The following TAFA1 variants were observed in gnomAD, a reference collection of about 807,000 sequenced individuals.
TAFA1 encodes chemokine-like protein TAFA-1.
Under a neutral mutation model 18.5 loss-of-function variants are expected in TAFA1, and 4 were observed. The ratio of observed to expected loss-of-function variants is 0.22; its 90% CI spans 0.11 to 0.49. The LOEUF (loss-of-function observed/expected upper bound fraction) is 0.49. Ranked by LOEUF, TAFA1 falls within the 20% of genes least tolerant of loss-of-function variation. The pLI is 0.98. For synonymous variants in TAFA1, 56 were observed against 55.2 expected (o/e 1.01, Z -0.06); for missense variants, 147 against 169.0 (o/e 0.87, Z 0.72).
rs114130736 is a variant in TAFA1, at chr3:68,108,734, T to C, written c.118+101990T>C. ...ATAAAAATATACCTAAATGAAATGT[T>C]CAAAACAAAATAGAATATGATTTTT... On this transcript the variant is annotated intron_variant, in intron 2 of 4. Transcript: ENST00000478136. 6.6e-3 allele frequency among the ~76,000 whole-genome samples: 1,003 copies of C among 152,244 alleles called. 8 individuals carry two copies. The highest frequency in any genetic ancestry group is 0.023 in the African/African-American group (953 of 41,548).
chr3:68,112,427 TA>T (rs1423230826), intron 2 of TAFA1, among the ~76,000 whole-genome samples: 2 of 152,318 alleles, frequency 1.3e-5, no homozygotes, highest in Admixed American at 6.5e-5. Context: ...AAGTGTTTGA[TA>T]AAATTATTTC....
chr3:68,121,496 G>A (rs2065398065), intron 2 of TAFA1, among the ~76,000 whole-genome samples: 1 of 152,106 alleles, frequency 6.6e-6, no homozygotes, highest in Non-Finnish European at 1.5e-5. Flanking sequence ...TCACTAACAA[G>A]GTTTTTGAAG....
At chr3:68,025,431 T>G (rs929294794) in intron 2 of TAFA1, among the ~76,000 whole-genome samples, 1 of 152,144 alleles carries the variant, frequency 6.6e-6, no homozygotes, top group South Asian at 2.1e-4. Flanking sequence ...AATCTATATT[T>G]TTCACACAGC....
intron 2 of TAFA1, among the ~76,000 whole-genome samples, chr3:68,363,217 G>T (rs950033906): frequency 1.3e-5 from 2 of 151,968 alleles, no homozygotes; most frequent in Non-Finnish European, 2.9e-5. Flanking sequence ...TTGTTAATTT[G>T]GGAAGAGTGA....
In TAFA1 at chr3:68,022,362, G is replaced by A. The variant is rs73104872; in HGVS notation, c.118+15618G>A. On this transcript the variant is annotated intron_variant, in intron 2 of 4. Coordinates refer to ENST00000478136, the MANE Select transcript of TAFA1 (RefSeq NM_213609.4). ...GATGGTATTTCTAAACTTATATCCAGTGTTAGGTAAATGAAGTGGGGTTCC... is the reference window on the plus strand; with the variant it reads ...GATGGTATTTCTAAACTTATATCCAATGTTAGGTAAATGAAGTGGGGTTCC... 9.8e-3 allele frequency among the ~76,000 whole-genome samples: 1,495 copies of A among 152,288 alleles called. 14 individuals carry two copies. Among genetic ancestry groups the A allele is most frequent in the Non-Finnish European group, 0.017 (1,181 of 68,026 alleles).
At position 68,082,373 on chromosome 3, in the gene TAFA1, T is replaced by A. The variant is rs1241188360; in HGVS notation, c.118+75629T>A. On this transcript the variant is annotated intron_variant, in intron 2 of 4. Transcript: ENST00000478136. ...ACTTCCTAATTAATTTATTCCTCAT[T>A]TTTTTCCTGAAGCAATTTATAGAAA... Among the ~76,000 whole-genome samples the A allele has an allele frequency of 2.0e-5, 3 of 152,276 alleles. No individual in the cohort carries two copies. The East Asian group carries it at 5.8e-4, about 29-fold the overall frequency.
Position 68,544,587 on chromosome 3 carries a change from C to A in TAFA1, c.*84C>A. On this transcript the variant is annotated 3_prime_UTR_variant, in exon 5 of 5. Coordinates refer to ENST00000478136, the MANE Select transcript of TAFA1 (RefSeq NM_213609.4). ...CTCAAACATCTCACATATATACAAG[C>A]CAAATGGATTTCTTACTTGCACTTT... 2 of 1,389,302 alleles carry A rather than the reference C, an allele frequency of 1.4e-6. No individual in the cohort carries two copies. Among genetic ancestry groups the A allele is most frequent in the Non-Finnish European group, 2.0e-6 (2 of 985,484 alleles). 86.1% of individuals were successfully genotyped at this position (1,389,302 alleles called of 1,614,324 possible).
At chr3:68,100,342 G>A (rs571483675) in intron 2 of TAFA1, among the ~76,000 whole-genome samples, 34 of 151,974 alleles carry the variant, frequency 2.2e-4, no homozygotes, top group African/African-American at 7.0e-4. Context: ...AAAATTAGCC[G>A]GGCATGGTGA....
intron 3 of TAFA1, among the ~76,000 whole-genome samples, chr3:68,458,956 G>A (rs529524439): frequency 6.6e-6 from 1 of 152,240 alleles, no homozygotes; most frequent in South Asian, 2.1e-4. Context: ...CAACATCTGT[G>A]GGAGAGGCAG....
intron 2 of TAFA1, among the ~76,000 whole-genome samples, chr3:68,410,207 C>A (rs752080559): frequency 6.6e-6 from 1 of 152,072 alleles, no homozygotes; most frequent in African/African-American, 2.4e-5. Context: ...AGGGCTCTAA[C>A]AAACCCAAGA....
intron 3 of TAFA1, among the ~76,000 whole-genome samples, chr3:68,513,415 G>A (rs779151330): frequency 2.0e-5 from 3 of 151,942 alleles, no homozygotes; most frequent in Admixed American, 6.6e-5. Context: ...AAATGTAGCT[G>A]GTATGACTGA....
At chr3:68,220,757 C>T (rs1034835090) in intron 2 of TAFA1, among the ~76,000 whole-genome samples, 1 of 152,118 alleles carries the variant, frequency 6.6e-6, no homozygotes, top group African/African-American at 2.4e-5. Flanking sequence ...TTCTTTGGCT[C>T]ATGTTCACTG....
chr3:68,363,880 G>A (rs548754860), intron 2 of TAFA1, among the ~76,000 whole-genome samples: 10 of 152,200 alleles, frequency 6.6e-5, no homozygotes, highest in African/African-American at 1.9e-4. Context: ...ACAACATTGC[G>A]AACATAAGTT....
intron 2 of TAFA1, among the ~76,000 whole-genome samples, chr3:68,180,332 A>G (rs1018683784): frequency 9.2e-5 from 14 of 151,950 alleles, no homozygotes; most frequent in African/African-American, 3.1e-4. Context: ...GAGCCACCAC[A>G]TCCAGCCTAT....
intron 2 of TAFA1, among the ~76,000 whole-genome samples, chr3:68,252,479 CA>C (rs1358197642): frequency 6.6e-6 from 1 of 152,172 alleles, no homozygotes; most frequent in Non-Finnish European, 1.5e-5. Context: ...CATGGTCCCA[CA>C]AAGCTGAAGC....
chr3:68,243,165 T>C (rs1354872919), intron 2 of TAFA1, among the ~76,000 whole-genome samples: 1 of 152,122 alleles, frequency 6.6e-6, no homozygotes, highest in African/African-American at 2.4e-5. Flanking sequence ...TATAAATTCA[T>C]AGGAAATTAC....
intron 2 of TAFA1, among the ~76,000 whole-genome samples, chr3:68,186,555 C>T (rs1055419512): frequency 1.3e-5 from 2 of 151,946 alleles, no homozygotes; most frequent in Admixed American, 1.3e-4. Context: ...ATCTCTTGTA[C>T]TGGGACAGAC....
At chr3:68,421,882 TC>T (rs2070961441) in intron 3 of TAFA1, among the ~76,000 whole-genome samples, 1 of 152,114 alleles carries the variant, frequency 6.6e-6, no homozygotes, top group African/African-American at 2.4e-5. Flanking sequence ...ATTTTAGCCA[TC>T]ATCTTTTCTT....
intron 3 of TAFA1, among the ~76,000 whole-genome samples, chr3:68,514,055 T>C (rs2072886086): frequency 6.6e-6 from 1 of 152,118 alleles, no homozygotes; most frequent in Non-Finnish European, 1.5e-5. Flanking sequence ...TCTCTGACTT[T>C]ACATGGCAAA....
Sources: allele counts gnomAD v4.1 joint callset (sites outside exome capture counted in the v4.1 genomes callset), GRCh38; gene constraint gnomAD v4.1.1; transcripts MANE v1.5; gene names NCBI Gene and HGNC (gene_info 2026-07-23, HGNC 2026-07-21).